Variants in SORCS3 observed in about 807,000 individuals in gnomAD.
The protein encoded by SORCS3 is sortilin related VPS10 domain containing receptor 3.
Under a neutral mutation model 146.3 loss-of-function variants are expected in SORCS3, and 57 were observed. The ratio of observed to expected loss-of-function variants is 0.39; its 90% CI spans 0.31 to 0.49. The LOEUF (loss-of-function observed/expected upper bound fraction) is 0.49, where lower values mean the gene tolerates loss of function less well. Among genes scored for constraint, SORCS3 ranks in the 20% least tolerant of loss-of-function variants. The pLI is 0.92. For synonymous variants in SORCS3, 653 were observed against 618.5 expected (o/e 1.06, Z -0.83); for missense variants, 1,341 against 1,575.5 (o/e 0.85, Z 2.52).
chr10:104,821,017 A>G (rs1409764468), intron 1 of SORCS3, among the ~76,000 whole-genome samples: 1 of 152,206 alleles, frequency 6.6e-6, no homozygotes, highest in African/African-American at 2.4e-5. Flanking sequence ...CTAGATGTTT[A>G]TGGCTTCATG....
chr10:104,841,991 G>A (rs531687253), intron 1 of SORCS3, among the ~76,000 whole-genome samples: 1 of 152,344 alleles, frequency 6.6e-6, no homozygotes, highest in East Asian at 1.9e-4. Context: ...TGCATGAGAG[G>A]CAGGTAGGGC....
chr10:105,087,999 T>G (rs1244995748), intron 5 of SORCS3, among the ~76,000 whole-genome samples: 1 of 152,122 alleles, frequency 6.6e-6, no homozygotes, highest in Non-Finnish European at 1.5e-5. Context: ...TAAGGATGCT[T>G]TGGGAGCAGG....
intron 11 of SORCS3, among the ~76,000 whole-genome samples, chr10:105,162,317 T>G (rs1473471931): frequency 6.6e-6 from 1 of 152,148 alleles, no homozygotes; most frequent in Admixed American, 6.5e-5. Flanking sequence ...CTTCTCCATC[T>G]CACTCTCCCT....
chr10:104,647,895 AC>A (rs1164067224), intron 1 of SORCS3, among the ~76,000 whole-genome samples: 1 of 152,138 alleles, frequency 6.6e-6, no homozygotes, highest in Non-Finnish European at 1.5e-5. Flanking sequence ...TCAGATGGAC[AC>A]CCCCATAAGA....
At chr10:104,983,209 C>T (rs917193535) in intron 4 of SORCS3, among the ~76,000 whole-genome samples, 7 of 151,986 alleles carry the variant, frequency 4.6e-5, no homozygotes, top group African/African-American at 1.2e-4. Flanking sequence ...CCATGTTAGT[C>T]AGGCTGGTCT....
At chr10:105,200,429 C>G (rs55964119) in intron 15 of SORCS3, among the ~76,000 whole-genome samples, 1,616 of 152,248 alleles carry the variant, frequency 0.011, 34 homozygotes, top group South Asian at 0.045. Context: ...GCTAGAAGGC[C>G]TCCAAGAGTT....
chr10:104,860,574 A>G (rs561163356), intron 2 of SORCS3, among the ~76,000 whole-genome samples: 1 of 152,258 alleles, frequency 6.6e-6, no homozygotes, highest in East Asian at 1.9e-4. Context: ...TATAATAATA[A>G]TAAAAAACAG....
chr10:105,130,476 G>T (rs2133771987), intron 7 of SORCS3, among the ~76,000 whole-genome samples: 1 of 152,186 alleles, frequency 6.6e-6, no homozygotes, highest in South Asian at 2.1e-4. Flanking sequence ...AAGGGTACAA[G>T]AAGTTGCTCG....
At chr10:104,737,899 A>G (rs879672714) in intron 1 of SORCS3, among the ~76,000 whole-genome samples, 5 of 149,928 alleles carry the variant, frequency 3.3e-5, no homozygotes, top group Non-Finnish European at 7.4e-5. Context: ...TAGGGTTTTT[A>G]TGGTTTTAGG....
chr10:104,741,279 T>C (rs1030246240), intron 1 of SORCS3, among the ~76,000 whole-genome samples: 8 of 152,020 alleles, frequency 5.3e-5, no homozygotes, highest in Non-Finnish European at 1.0e-4. Flanking sequence ...TCAGACCTTT[T>C]CTTTTTAATC....
At chr10:104,732,063 G>A (rs1191502164) in intron 1 of SORCS3, among the ~76,000 whole-genome samples, 1 of 152,210 alleles carries the variant, frequency 6.6e-6, no homozygotes, top group Non-Finnish European at 1.5e-5. Context: ...TACCCTTACT[G>A]ATCACAACAA....
intron 4 of SORCS3, among the ~76,000 whole-genome samples, chr10:104,983,843 T>G (rs1335819573): frequency 6.6e-6 from 1 of 152,064 alleles, no homozygotes; most frequent in African/African-American, 2.4e-5. Context: ...GCCTATATCT[T>G]GACCACTCAC....
At chr10:104,871,463 C>T (rs1439449776) in intron 2 of SORCS3, among the ~76,000 whole-genome samples, 1 of 152,140 alleles carries the variant, frequency 6.6e-6, no homozygotes, top group Non-Finnish European at 1.5e-5. Flanking sequence ...CTTTTGGCCC[C>T]ACTGTGTGCA....
intron 13 of SORCS3, among the ~76,000 whole-genome samples, chr10:105,175,214 ATTTTTTT>A (rs71482448): frequency 0.087 from 11,687 of 134,626 alleles, 615 homozygotes; most frequent in Admixed American, 0.17. Flanking sequence ...TGCTTGGCTA[ATTTTTTT>A]TTTTTTTTTT....
chr10:104,742,480 G>T (rs2016859835), intron 1 of SORCS3, among the ~76,000 whole-genome samples: 1 of 152,162 alleles, frequency 6.6e-6, no homozygotes, highest in African/African-American at 2.4e-5. Context: ...CCTCTAAGGA[G>T]CTTGGGTAGA....
intron 20 of SORCS3, among the ~76,000 whole-genome samples, chr10:105,228,146 A>G (rs2056745010): frequency 6.6e-6 from 1 of 151,714 alleles, no homozygotes; most frequent in Non-Finnish European, 1.5e-5. Flanking sequence ...TCATTAATTA[A>G]TTTCTGGTTG....
chr10:104,768,862 T>C (rs1252475693), intron 1 of SORCS3, among the ~76,000 whole-genome samples: 1 of 151,478 alleles, frequency 6.6e-6, no homozygotes, highest in Non-Finnish European at 1.5e-5. Flanking sequence ...ACATAGAGAG[T>C]GTGGGTAAGT....
chr10:104,716,492 C>T (rs537940080), intron 1 of SORCS3, among the ~76,000 whole-genome samples: 3 of 151,628 alleles, frequency 2.0e-5, no homozygotes, highest in Admixed American at 6.6e-5. Flanking sequence ...TGCCAATGCT[C>T]ACACTAATCC....
chr10:104,958,790 TC>T (rs1315916804), intron 3 of SORCS3, among the ~76,000 whole-genome samples: 1 of 152,150 alleles, frequency 6.6e-6, no homozygotes, highest in Non-Finnish European at 1.5e-5. Flanking sequence ...TGAGGAGGCT[TC>T]AGGGAACTTA....
Sources: allele counts gnomAD v4.1 joint callset (sites outside exome capture counted in the v4.1 genomes callset), GRCh38; gene constraint gnomAD v4.1.1; transcripts MANE v1.5; gene names NCBI Gene and HGNC (gene_info 2026-07-23, HGNC 2026-07-21).